FGGY: variants seen among roughly 807,000 people sequenced by gnomAD.
The protein encoded by FGGY is FGGY carbohydrate kinase domain containing.
Under a neutral mutation model 71.3 loss-of-function variants are expected in FGGY, and 72 were observed. The observed-to-expected ratio is 1.01, with a 90% CI of 0.84 to 1.23. The LOEUF (loss-of-function observed/expected upper bound fraction) is 1.23, where lower values mean the gene tolerates loss of function less well. Among genes scored for constraint, FGGY ranks in the 50% most tolerant of loss-of-function variants. The pLI is 0.00. For missense variants in FGGY, 668 were observed against 682.3 expected, an observed-to-expected ratio of 0.98 and a Z score of 0.23; for synonymous variants, 251 against 250.3, an observed-to-expected ratio of 1.00 and a Z score of -0.02.
chr1:59,644,555 A>G (rs1469663167), intron 11 of FGGY, among the ~76,000 whole-genome samples: 1 of 152,174 alleles, frequency 6.6e-6, no homozygotes, highest in Non-Finnish European at 1.5e-5. Context: ...TTAAGTAATA[A>G]CAGTCGGTCT....
At chr1:59,517,728 A>C (rs1558194657) in intron 7 of FGGY, among the ~76,000 whole-genome samples, 1 of 152,108 alleles carries the variant, frequency 6.6e-6, no homozygotes, top group Non-Finnish European at 1.5e-5. Flanking sequence ...CTGTTGTTTC[A>C]TACTCCCACT....
At chr1:59,431,376 C>T (rs2067330022) in intron 5 of FGGY, among the ~76,000 whole-genome samples, 1 of 152,216 alleles carries the variant, frequency 6.6e-6, no homozygotes, top group African/African-American at 2.4e-5. Context: ...GATCAAGCCC[C>T]ATGGTTCCCT....
chr1:59,412,220 C>T (rs1355608751), intron 5 of FGGY, among the ~76,000 whole-genome samples: 2 of 152,262 alleles, frequency 1.3e-5, no homozygotes, highest in African/African-American at 4.8e-5. Context: ...GGGCACCCCA[C>T]GAGGTTCCAT....
intron 2 of FGGY, among the ~76,000 whole-genome samples, chr1:59,331,266 C>T (rs2048416976): frequency 6.6e-6 from 1 of 152,128 alleles, no homozygotes; most frequent in African/African-American, 2.4e-5. Context: ...TTTATTTCAT[C>T]ATCTTATCAT....
At chr1:59,367,637 C>T (rs1423543745) in intron 4 of FGGY, among the ~76,000 whole-genome samples, 2 of 152,226 alleles carry the variant, frequency 1.3e-5, no homozygotes, top group African/African-American at 2.4e-5. Flanking sequence ...TGTTGCCCCT[C>T]GACCCTGGTG....
At chr1:59,437,706 T>C (rs1245543362) in intron 5 of FGGY, among the ~76,000 whole-genome samples, 1 of 152,240 alleles carries the variant, frequency 6.6e-6, no homozygotes, top group Non-Finnish European at 1.5e-5. Flanking sequence ...GATATATATT[T>C]AACTTAAAAT....
intron 5 of FGGY, among the ~76,000 whole-genome samples, chr1:59,400,578 A>C (rs928135695): frequency 6.6e-6 from 1 of 150,738 alleles, no homozygotes; most frequent in Non-Finnish European, 1.5e-5. Flanking sequence ...TTTTTTGTTA[A>C]GTTTATATCA....
chr1:59,526,356 A>G (rs555927507), intron 7 of FGGY, among the ~76,000 whole-genome samples: 2 of 152,348 alleles, frequency 1.3e-5, no homozygotes, highest in East Asian at 3.9e-4. Context: ...TGTAAAAAGC[A>G]AGGCAGAGAT....
intron 11 of FGGY, among the ~76,000 whole-genome samples, chr1:59,645,209 G>A (rs2097081493): frequency 6.6e-6 from 1 of 152,236 alleles, no homozygotes; most frequent in African/African-American, 2.4e-5. Context: ...ATCTGCTCAT[G>A]AGGAAGCAGG....
At chr1:59,644,491 T>A (rs975571504) in intron 11 of FGGY, among the ~76,000 whole-genome samples, 48 of 151,972 alleles carry the variant, frequency 3.2e-4, no homozygotes, top group African/African-American at 1.1e-3. Context: ...AGTTGATAAA[T>A]GAAGCACAGA....
At chr1:59,559,295 A>G (rs2095747036) in intron 8 of FGGY, among the ~76,000 whole-genome samples, 1 of 152,230 alleles carries the variant, frequency 6.6e-6, no homozygotes, top group South Asian at 2.1e-4. Context: ...AAGAAATTAT[A>G]AAAGTATTAT....
At chr1:59,302,278 C>A (rs997186468) in intron 1 of FGGY, among the ~76,000 whole-genome samples, 1 of 151,582 alleles carries the variant, frequency 6.6e-6, no homozygotes, top group African/African-American at 2.4e-5. Flanking sequence ...GTAAATCTGG[C>A]CTCGTAGAAT....
intron 4 of FGGY, among the ~76,000 whole-genome samples, chr1:59,356,761 T>C (rs1413490813): frequency 6.6e-6 from 1 of 152,204 alleles, no homozygotes; most frequent in Non-Finnish European, 1.5e-5. Context: ...GAAAATGAGA[T>C]TTGAGCATTA....
intron 14 of FGGY, among the ~76,000 whole-genome samples, chr1:59,717,615 G>A (rs2097854986): frequency 6.6e-6 from 1 of 152,096 alleles, no homozygotes; most frequent in African/African-American, 2.4e-5. Context: ...AAGAAGAGAA[G>A]GCACACATGT....
intron 6 of FGGY, among the ~76,000 whole-genome samples, chr1:59,463,712 A>T (rs2092420272): frequency 6.6e-6 from 1 of 151,468 alleles, no homozygotes; most frequent in South Asian, 2.1e-4. Flanking sequence ...AGGGGTTGCA[A>T]TCCTTGTCTC....
chr1:59,569,200 G>A (rs1009679231), intron 8 of FGGY, among the ~76,000 whole-genome samples: 3 of 152,070 alleles, frequency 2.0e-5, no homozygotes, highest in Admixed American at 6.6e-5. Context: ...GCTAATTGTC[G>A]AATCCCTGAA....
At chr1:59,634,714 G>A (rs1208875492) in intron 10 of FGGY, among the ~76,000 whole-genome samples, 1 of 152,066 alleles carries the variant, frequency 6.6e-6, no homozygotes, top group East Asian at 1.9e-4. Flanking sequence ...CTAGAAATGA[G>A]TTTCTTATGA....
rs202087557 is a variant in FGGY, at chr1:59,614,585, T to G, written c.1011+6675T>G. ...CTGGAAGCATTCCCTTTGAAAACTG[T>G]CACAAGACAGGGATGCCCTCTCTCA... On this transcript the variant is annotated intron_variant, in intron 9 of 15. Coordinates refer to ENST00000303721, the MANE Select transcript of FGGY (RefSeq NM_018291.5). Among the ~76,000 whole-genome samples the G allele has an allele frequency of 4.9e-3, 738 of 152,150 alleles. 4 individuals are homozygous for G. Among genetic ancestry groups the G allele is most frequent in the Admixed American group, 0.016 (251 of 15,266 alleles).
At chr1:59,669,650 C>T (rs2097359548) in intron 13 of FGGY, among the ~76,000 whole-genome samples, 1 of 150,786 alleles carries the variant, frequency 6.6e-6, no homozygotes, top group Non-Finnish European at 1.5e-5. Context: ...CCGCCTTGGC[C>T]TCCCAAAGTT....
Sources: allele counts gnomAD v4.1 joint callset (sites outside exome capture counted in the v4.1 genomes callset), GRCh38; gene constraint gnomAD v4.1.1; transcripts MANE v1.5; gene names NCBI Gene and HGNC (gene_info 2026-07-23, HGNC 2026-07-21).